Variants in ARHGAP24 observed in about 807,000 individuals in gnomAD.
ARHGAP24 encodes rho GTPase-activating protein 24.
Under a neutral mutation model 76.4 loss-of-function variants are expected in ARHGAP24, and 50 were observed. That is an observed-to-expected ratio of 0.65 (90% CI 0.52 to 0.83). The LOEUF (loss-of-function observed/expected upper bound fraction) is 0.83. ARHGAP24 is among the 40% of genes least tolerant of loss of function. ARHGAP24 has a pLI of 0.00. For missense variants in ARHGAP24, 930 were observed against 914.2 expected (o/e 1.02, Z -0.22); for synonymous variants, 345 against 323.3 (o/e 1.07, Z -0.72).
chr4:85,750,485 C>CTTTTTTTTTT (rs60635375), intron 3 of ARHGAP24, among the ~76,000 whole-genome samples: 5 of 61,616 alleles, frequency 8.1e-5, no homozygotes, highest in African/African-American at 3.4e-4. Context: ...CTTTTCATTC[C>CTTTTTTTTTT]TTTTTTTTTT....
Position 85,724,489 on chromosome 4 carries a change from GTGTATATATATATATATATATA to G in ARHGAP24, c.268+2519_268+2540del, listed in dbSNP as rs754553560. On this transcript the variant is annotated intron_variant, in intron 3 of 9. Transcript: ENST00000395184. ...GTATGTCCTTATAATTTTTCCATGT[GTGTATATATATATATATATATA>G]TATATATATATATATATAGGAATTT... is the stretch of plus-strand genomic sequence containing the variant. 1.8e-3 allele frequency among the ~76,000 whole-genome samples: 238 copies of G among 131,346 alleles called. 1 individual carries two copies. Among genetic ancestry groups the G allele is most frequent in the Middle Eastern group, 3.9e-3 (1 of 254 alleles). The allele number at this position is 131,346 out of a possible 152,430, so 86.2% of individuals were successfully genotyped here.
At chr4:85,824,653 A>G (rs1164912171) in intron 3 of ARHGAP24, among the ~76,000 whole-genome samples, 2 of 152,198 alleles carry the variant, frequency 1.3e-5, no homozygotes, top group African/African-American at 4.8e-5. Flanking sequence ...TGTCTTTTCC[A>G]TATATGATTC....
intron 3 of ARHGAP24, among the ~76,000 whole-genome samples, chr4:85,727,829 C>G (rs977863546): frequency 6.6e-6 from 1 of 152,066 alleles, no homozygotes; most frequent in Non-Finnish European, 1.5e-5. Flanking sequence ...TGACCCAGTG[C>G]CTAAAATCAA....
rs568487698 is a variant in ARHGAP24, at chr4:85,699,603, A to AT, written c.181-22270dup. On this transcript the variant is annotated intron_variant, in intron 2 of 9. Transcript: ENST00000395184. ...GGCAACAGAGCAAGACCCTGTCTCA[A>AT]TTTTTTTTTTTTAATTTACTTTTCA... Among the ~76,000 whole-genome samples the AT allele has an allele frequency of 1.7e-3, 254 of 146,694 alleles. 5 individuals are homozygous for AT. The East Asian group carries it at 0.031, about 18-fold the overall frequency.
At chr4:85,506,913 G>A (rs1353929614) in intron 1 of ARHGAP24, among the ~76,000 whole-genome samples, 1 of 152,186 alleles carries the variant, frequency 6.6e-6, no homozygotes, top group South Asian at 2.1e-4. Flanking sequence ...CCCCCATGTG[G>A]AACTTAGAAA....
intron 2 of ARHGAP24, among the ~76,000 whole-genome samples, chr4:85,664,646 AT>A (rs1722538424): frequency 6.6e-6 from 1 of 150,546 alleles, no homozygotes; most frequent in Admixed American, 6.6e-5. Context: ...TCTTGTGGGC[AT>A]TTAGTGCTAT....
intron 3 of ARHGAP24, among the ~76,000 whole-genome samples, chr4:85,869,270 C>G (rs1732391248): frequency 5.3e-5 from 8 of 152,144 alleles, no homozygotes; most frequent in Admixed American, 5.2e-4. Flanking sequence ...CCCCCTTGAA[C>G]AACAAAGGGC....
chr4:85,880,678 A>G (rs1242585301), intron 3 of ARHGAP24, among the ~76,000 whole-genome samples: 2 of 152,054 alleles, frequency 1.3e-5, no homozygotes, highest in African/African-American at 4.8e-5. Flanking sequence ...GCAGGCGCCC[A>G]ACATCACGCC....
At chr4:85,638,004 C>T (rs553712098) in intron 2 of ARHGAP24, among the ~76,000 whole-genome samples, 1 of 152,176 alleles carries the variant, frequency 6.6e-6, no homozygotes, top group Non-Finnish European at 1.5e-5. Context: ...TGCCACAAAC[C>T]ATCTCAGTCA....
chr4:85,842,074 A>G (rs956444171), intron 3 of ARHGAP24, among the ~76,000 whole-genome samples: 2 of 152,184 alleles, frequency 1.3e-5, no homozygotes, highest in African/African-American at 4.8e-5. Flanking sequence ...TATGTACTGT[A>G]CTTGAGTGAT....
intron 5 of ARHGAP24, among the ~76,000 whole-genome samples, chr4:85,943,451 G>T (rs1231868300): frequency 6.6e-6 from 1 of 151,992 alleles, no homozygotes; most frequent in African/African-American, 2.4e-5. Flanking sequence ...CAGCTCTCTG[G>T]GGCCTCTTTT....
At chr4:85,635,346 T>C (rs1721282840) in intron 2 of ARHGAP24, among the ~76,000 whole-genome samples, 1 of 151,834 alleles carries the variant, frequency 6.6e-6, no homozygotes, top group Non-Finnish European at 1.5e-5. Flanking sequence ...GTGATCTAGT[T>C]TGTGAATGAA....
In ARHGAP24 at chr4:85,559,009, A is replaced by G. The variant is rs71672791; in HGVS notation, c.-20-11513A>G. Among the ~76,000 whole-genome samples the G allele has an allele frequency of 6.7e-3, 588 of 88,404 alleles. 3 individuals carry two copies. Among genetic ancestry groups the G allele is most frequent in the Middle Eastern group, 0.021 (4 of 194 alleles). The allele number at this position is 88,404 out of a possible 152,430, so 58.0% of individuals were successfully genotyped here. Reference sequence around the variant, plus strand: ...AAAGTAGTGTTTCAGGAAAGCTTTCATCTTAGCTTAAAAATTATAGACATC... The same window carrying G: ...AAAGTAGTGTTTCAGGAAAGCTTTCGTCTTAGCTTAAAAATTATAGACATC... On this transcript the variant is annotated intron_variant, in intron 1 of 9. Coordinates refer to ENST00000395184, the MANE Select transcript of ARHGAP24 (RefSeq NM_001025616.3).
At chr4:85,487,726 A>ATATTATATATTATATAAATATATATT (rs1560505665) in intron 1 of ARHGAP24, among the ~76,000 whole-genome samples, 2,509 of 102,674 alleles carry the variant, frequency 0.024, 157 homozygotes, top group African/African-American at 0.1. Context: ...ATATATATTT[A>ATATTATATATTATATAAATATATATT]TATTATATAT....
chr4:85,870,336 G>A (rs1019748735), intron 3 of ARHGAP24, among the ~76,000 whole-genome samples: 1 of 152,082 alleles, frequency 6.6e-6, no homozygotes, highest in Non-Finnish European at 1.5e-5. Context: ...TTCTTTCAAA[G>A]ATGAAATGTA....
intron 3 of ARHGAP24, among the ~76,000 whole-genome samples, chr4:85,884,258 G>A (rs1220291010): frequency 6.6e-6 from 1 of 152,114 alleles, no homozygotes; most frequent in Non-Finnish European, 1.5e-5. Context: ...TAGGCACTAT[G>A]TGATCTTAGA....
chr4:85,613,960 A>G (rs114941254), intron 2 of ARHGAP24, among the ~76,000 whole-genome samples: 301 of 152,346 alleles, frequency 2.0e-3, no homozygotes, highest in African/African-American at 6.9e-3. Flanking sequence ...AATTGAGGAG[A>G]TATCCATTTG....
intron 3 of ARHGAP24, among the ~76,000 whole-genome samples, chr4:85,887,764 A>G (rs72658286): frequency 1.7e-3 from 259 of 152,260 alleles, no homozygotes; most frequent in Non-Finnish European, 3.2e-3. Flanking sequence ...GAATCTAAAG[A>G]TGCTCTGTTC....
At chr4:85,585,978 A>AATTT (rs1727841901) in intron 2 of ARHGAP24, among the ~76,000 whole-genome samples, 3 of 152,112 alleles carry the variant, frequency 2.0e-5, no homozygotes, top group Admixed American at 2.0e-4. Context: ...GAATCCCTCC[A>AATTT]ATTTTCTAGT....
Sources: allele counts gnomAD v4.1 joint callset (sites outside exome capture counted in the v4.1 genomes callset), GRCh38; gene constraint gnomAD v4.1.1; transcripts MANE v1.5; gene names NCBI Gene and HGNC (gene_info 2026-07-23, HGNC 2026-07-21).